Variants in LRRFIP2 observed in about 807,000 individuals in gnomAD.
The protein encoded by LRRFIP2 is leucine-rich repeat flightless-interacting protein 2.
Under a neutral mutation model 125.9 loss-of-function variants are expected in LRRFIP2, and 109 were observed. The observed-to-expected ratio is 0.87, with a 90% CI of 0.74 to 1.01. The LOEUF (loss-of-function observed/expected upper bound fraction) is 1.01. LRRFIP2 is among the 50% of genes least tolerant of loss of function. LRRFIP2 has a pLI of 0.00. For synonymous variants in LRRFIP2, 291 were observed against 293.1 expected, an observed-to-expected ratio of 0.99 and a Z score of 0.07; for missense variants, 850 against 862.3, an observed-to-expected ratio of 0.99 and a Z score of 0.18.
chr3:37,176,333 G>A (rs1480172752), upstream of LRRFIP2: 1 of 152,326 alleles, frequency 6.6e-6, no homozygotes, highest in Non-Finnish European at 1.5e-5. Context: ...AGGAGGCGAA[G>A]GATGGGCGGG....
At chr3:37,085,707 G>A (rs1214929091) in intron 18 of LRRFIP2, among the ~76,000 whole-genome samples, 1 of 151,074 alleles carries the variant, frequency 6.6e-6, no homozygotes, top group African/African-American at 2.4e-5. Flanking sequence ...TCAGCCTCCC[G>A]CGTAGCTGGA....
chr3:37,127,535 C>G, intron 4 of LRRFIP2, 95 bp downstream of exon 4: 1 of 1,250,694 alleles, frequency 8.0e-7, no homozygotes, highest in Middle Eastern at 1.8e-4. Context: ...AGGCCAAACA[C>G]TCCTACTTTG....
At position 37,112,948 on chromosome 3, in the gene LRRFIP2, C is replaced by T. The variant is rs201101882; in HGVS notation, c.405G>A (p.Lys135=). The T allele has an allele frequency of 5.4e-5, 85 of 1,584,542 alleles. No homozygotes were observed. In the African/African-American group the frequency reaches 6.3e-4, roughly 12 times the overall value. ...NHSYSHSHGM[K]KRSSDSHKDL... ...CTTTATGAGAATCAGAAGACCTCTT[C>T]TTCATTCCATGAGAGTGACTGTAAG... The change falls in exon 8 of 28, where the codon AAG becomes AAA. Residue 135 remains lysine (K), a synonymous_variant. Transcript: ENST00000336686.
chr3:37,151,690 C>T (rs142115250), intron 1 of LRRFIP2, among the ~76,000 whole-genome samples: 1,543 of 151,904 alleles, frequency 0.01, 16 homozygotes, highest in Non-Finnish European at 0.018. Context: ...CTCCGCCTCC[C>T]GGGTTCAAGC....
chr3:37,055,561 TC>T (rs972217985), intron 25 of LRRFIP2, among the ~76,000 whole-genome samples: 2 of 151,432 alleles, frequency 1.3e-5, no homozygotes, highest in African/African-American at 4.9e-5. Context: ...CGATACTCCG[TC>T]CCCCTGCCAA....
chr3:37,149,675 C>T (rs1225050541), intron 1 of LRRFIP2, among the ~76,000 whole-genome samples: 2 of 152,132 alleles, frequency 1.3e-5, no homozygotes, highest in African/African-American at 4.8e-5. Context: ...AGTAACTTTG[C>T]TTTTTAGTGT....
At chr3:37,162,610 G>T (rs1290405087) in intron 1 of LRRFIP2, among the ~76,000 whole-genome samples, 2 of 152,124 alleles carry the variant, frequency 1.3e-5, no homozygotes, top group African/African-American at 4.8e-5. Flanking sequence ...CTAGAAGATA[G>T]GCTTCAGCAA....
At chr3:37,091,559 C>T (rs1334381002) in intron 17 of LRRFIP2, 21 bp from the exon 18 acceptor site, 2 of 1,556,022 alleles carry the variant, frequency 1.3e-6, no homozygotes. Flanking sequence ...TAGGAATGAA[C>T]CATTGCATAA....
intron 3 of LRRFIP2, 53 bp downstream of exon 3, chr3:37,129,010 G>A: frequency 1.4e-6 from 2 of 1,480,164 alleles, no homozygotes; most frequent in South Asian, 2.3e-5. Flanking sequence ...AACTAGCCAA[G>A]TACTGATTTT....
intron 1 of LRRFIP2, among the ~76,000 whole-genome samples, chr3:37,153,706 T>C (rs2096094713): frequency 6.6e-6 from 1 of 152,148 alleles, no homozygotes; most frequent in Non-Finnish European, 1.5e-5. Context: ...AGCTCCAGAA[T>C]AGACAGCCCT....
At position 37,053,242 on chromosome 3, in the gene LRRFIP2, C is replaced by T. The variant is rs1392119904; in HGVS notation, c.*609G>A. The T allele has an allele frequency of 1.3e-5, 2 of 152,770 alleles. No homozygotes were observed. Among genetic ancestry groups the T allele is most frequent in the African/African-American group, 4.8e-5 (2 of 41,426 alleles). 9.5% of individuals were successfully genotyped at this position (152,770 alleles called of 1,614,324 possible). On this transcript the variant is annotated 3_prime_UTR_variant, in exon 28 of 28. Transcript: ENST00000336686. The stretch of plus-strand genomic sequence containing the variant: ...CATGCAATAAAGCAAGTTTTATATA[C>T]ACTCCCCATATTTTTTTCTAACATT...
intron 20 of LRRFIP2, 92 bp from the exon 21 acceptor site, chr3:37,072,974 G>A: frequency 1.3e-6 from 1 of 787,452 alleles, no homozygotes; most frequent in Non-Finnish European, 2.0e-6. Context: ...AGCCGATAAA[G>A]AAACTTAACC....
At chr3:37,067,503 C>T (rs2148812170) in intron 21 of LRRFIP2, 1 of 152,272 alleles carries the variant, frequency 6.6e-6, no homozygotes, top group South Asian at 2.1e-4. Flanking sequence ...TAAACTATAT[C>T]AGGTAACTTT....
chr3:37,160,512 T>A (rs1320645340), intron 1 of LRRFIP2, among the ~76,000 whole-genome samples: 1 of 152,022 alleles, frequency 6.6e-6, no homozygotes, highest in Non-Finnish European at 1.5e-5. Flanking sequence ...GGGCGCAGTG[T>A]CTCACACCTG....
At chr3:37,136,281 G>A (rs1173161295) in intron 2 of LRRFIP2, among the ~76,000 whole-genome samples, 1 of 152,206 alleles carries the variant, frequency 6.6e-6, no homozygotes, top group Non-Finnish European at 1.5e-5. Flanking sequence ...CAGGGGCTGG[G>A]GAAGGGGAAG....
At chr3:37,141,020 C>CA (rs2095684066) in intron 2 of LRRFIP2, among the ~76,000 whole-genome samples, 1 of 152,066 alleles carries the variant, frequency 6.6e-6, no homozygotes. Context: ...CCCATCTCTA[C>CA]AAAAAATACA....
Position 37,127,662 on chromosome 3 carries a change from C to G in LRRFIP2, c.196G>C (p.Asp66His). 1.2e-6 allele frequency: 2 copies of G among 1,613,932 alleles called. No homozygotes were observed. Among genetic ancestry groups the G allele is most frequent in the East Asian group, 4.5e-5 (2 of 44,830 alleles). ...QQKEYSLHSF[D>H]RKWGQIQKWL... ...TTCTGAATCTGTCCCCACTTCCGAT[C>G]AAAGGAATGAAGAGAGTACTAGAAA... is the stretch of plus-strand genomic sequence containing the variant. The change falls in exon 4 of 28, where the codon GAT (aspartate) becomes CAT (histidine). Residue 66 changes from aspartate to histidine, a missense_variant. Coordinates refer to ENST00000336686, the MANE Select transcript of LRRFIP2 (RefSeq NM_006309.4).
Position 37,108,674 on chromosome 3 carries a change from T to C in LRRFIP2, c.620A>G (p.Tyr207Cys). 1.9e-6 allele frequency: 3 copies of C among 1,609,822 alleles called. No homozygotes were observed. Among genetic ancestry groups the C allele is most frequent in the Non-Finnish European group, 2.6e-6 (3 of 1,176,266 alleles). Residue 207 changes from tyrosine (Y) to cysteine (C), a missense_variant, in exon 12 of 28, where the codon TAC becomes TGC. By Grantham distance (194) the Tyr-to-Cys change is radical. Transcript: ENST00000336686. ...LLRSASLASL[Y>C]NGGLYNPYGP... Reference sequence around the variant, plus strand: ...ATAAGGGTTATATAATCCACCATTGTACAATGATGCCTAAGGAACAAAGGA... The same window carrying C: ...ATAAGGGTTATATAATCCACCATTGCACAATGATGCCTAAGGAACAAAGGA...
intron 2 of LRRFIP2, among the ~76,000 whole-genome samples, chr3:37,133,218 C>T (rs1324556302): frequency 2.6e-5 from 4 of 152,220 alleles, no homozygotes; most frequent in African/African-American, 9.6e-5. Context: ...GAGTGAAACT[C>T]TGTCTCAGAA....
Sources: allele counts gnomAD v4.1 joint callset (sites outside exome capture counted in the v4.1 genomes callset), GRCh38; gene constraint gnomAD v4.1.1; transcripts MANE v1.5; gene names NCBI Gene and HGNC (gene_info 2026-07-23, HGNC 2026-07-21).